Variants in IPO7 observed in about 807,000 individuals in gnomAD.
IPO7 encodes importin 7.
In IPO7, 13 loss-of-function variants were observed where a neutral mutation model predicts 136.4. The ratio of observed to expected loss-of-function variants is 0.10; its 90% CI spans 0.06 to 0.15. The LOEUF is 0.15. Ranked by LOEUF, IPO7 falls within the 10% of genes least tolerant of loss-of-function variation. The probability of loss-of-function intolerance (pLI) is 1.00; values close to 1 mark genes in which losing one functional copy is unlikely to be tolerated. For synonymous variants in IPO7, 403 were observed against 404.4 expected, an observed-to-expected ratio of 1.00 and a Z score of 0.04; for missense variants, 857 against 1,240.6, an observed-to-expected ratio of 0.69 and a Z score of 4.65.
At chr11:9,411,316 C>G (rs1854965460) in intron 4 of IPO7, among the ~76,000 whole-genome samples, 1 of 152,080 alleles carries the variant, frequency 6.6e-6, no homozygotes, top group South Asian at 2.1e-4. Flanking sequence ...TGAAGCAGTT[C>G]TAAGAAAATT....
chr11:9,433,923 CTTTTTT>C, intron 18 of IPO7, 77 bp downstream of exon 18: 11 of 1,042,064 alleles, frequency 1.1e-5, no homozygotes, highest in African/African-American at 1.8e-5. Flanking sequence ...TGAACATACA[CTTTTTT>C]TTTTTTTTTT....
intron 1 of IPO7, among the ~76,000 whole-genome samples, chr11:9,397,454 C>T (rs1398902668): frequency 6.8e-6 from 1 of 147,902 alleles, no homozygotes; most frequent in Non-Finnish European, 1.5e-5. Flanking sequence ...TGGTCTTGAT[C>T]TCGTGACCTC....
chr11:9,440,426 A>G (rs1196251490), intron 22 of IPO7, 29 bp from the exon 23 acceptor site: 2 of 1,544,846 alleles, frequency 1.3e-6, no homozygotes, highest in Non-Finnish European at 8.9e-7. Context: ...TGTCATTGTT[A>G]TAAAAGTACT....
chr11:9,438,061 T>G lies in IPO7; in HGVS notation c.2490-19T>G, dbSNP rs764406867. 3.0e-4 allele frequency: 231 copies of G among 761,976 alleles called. 1 individual carries two copies. The highest frequency in any genetic ancestry group is 1.1e-3 in the East Asian group (22 of 20,734). The allele number at this position is 761,976 out of a possible 1,614,324, so 47.2% of individuals were successfully genotyped here. On this transcript the variant is annotated intron_variant, in intron 21 of 24. Coordinates refer to ENST00000379719, the MANE Select transcript of IPO7 (RefSeq NM_006391.3). Reference sequence around the variant, plus strand: ...AAGAAAACAGTTTTTTTTTTTTTTTTTTTTTTTTTTTTTTTTAGGCTTCAT... The same window carrying G: ...AAGAAAACAGTTTTTTTTTTTTTTTGTTTTTTTTTTTTTTTTAGGCTTCAT...
chr11:9,401,317 A>G (rs1327909163), intron 1 of IPO7, among the ~76,000 whole-genome samples: 1 of 152,220 alleles, frequency 6.6e-6, no homozygotes, highest in Non-Finnish European at 1.5e-5. Context: ...AACAGAAAAT[A>G]TAGAAGAAGG....
intron 1 of IPO7, among the ~76,000 whole-genome samples, chr11:9,398,178 A>C (rs918965721): frequency 6.6e-6 from 1 of 152,194 alleles, no homozygotes; most frequent in Non-Finnish European, 1.5e-5. Flanking sequence ...CTTCCAAGGC[A>C]TTTATTTCTT....
chr11:9,401,044 G>T (rs1314917041), intron 1 of IPO7, among the ~76,000 whole-genome samples: 1 of 151,996 alleles, frequency 6.6e-6, no homozygotes, highest in African/African-American at 2.4e-5. Context: ...AGCTGGGCGT[G>T]GTGGCATGTG....
chr11:9,413,029 G>A (rs1854989910), intron 4 of IPO7, among the ~76,000 whole-genome samples: 1 of 150,952 alleles, frequency 6.6e-6, no homozygotes, highest in South Asian at 2.1e-4. Flanking sequence ...ATAGGCGCCC[G>A]CCACCACGCC....
intron 1 of IPO7, among the ~76,000 whole-genome samples, chr11:9,400,356 G>A (rs754878254): frequency 2.0e-5 from 3 of 151,908 alleles, no homozygotes; most frequent in African/African-American, 7.3e-5. Flanking sequence ...ATAGAGCCCG[G>A]TTGTCATATT....
At position 9,415,605 on chromosome 11, in the gene IPO7, G is replaced by C. The variant is rs182708414; in HGVS notation, c.636+1194G>C. Among the ~76,000 whole-genome samples, 8 of 152,258 alleles carry C rather than the reference G, an allele frequency of 5.3e-5. No individual in the cohort carries two copies. In the East Asian group the frequency reaches 1.5e-3, roughly 29 times the overall value. ...TGTAATCCCAGCACTTTGGGAGGCC[G>C]AGGCGGGCGGATCACGAGGTCAGGA... On this transcript the variant is annotated intron_variant, in intron 5 of 24. Coordinates refer to ENST00000379719, the MANE Select transcript of IPO7 (RefSeq NM_006391.3).
chr11:9,443,600 A>G (rs985807928), intron 24 of IPO7, among the ~76,000 whole-genome samples: 2 of 150,188 alleles, frequency 1.3e-5, no homozygotes, highest in African/African-American at 4.9e-5. Flanking sequence ...TCAAAAAAAA[A>G]AAAAAAAAAT....
intron 1 of IPO7, among the ~76,000 whole-genome samples, chr11:9,388,490 A>AT (rs2133715223): frequency 7.0e-6 from 1 of 143,062 alleles, no homozygotes; most frequent in South Asian, 2.2e-4. Flanking sequence ...ATTTATATTT[A>AT]TTTTTTGAGA....
chr11:9,440,813 T>C (rs1206188470), intron 23 of IPO7, 152 bp downstream of exon 23: 8 of 608,632 alleles, frequency 1.3e-5, no homozygotes, highest in Admixed American at 1.1e-4. Context: ...AAGGTTGCCA[T>C]AGTTTCTGAG....
intron 23 of IPO7, among the ~76,000 whole-genome samples, chr11:9,440,919 C>T (rs1185211621): frequency 6.6e-6 from 1 of 152,114 alleles, no homozygotes. Context: ...GTGACAGTGC[C>T]TCTTTGCTAC....
In IPO7 at chr11:9,440,679, A is replaced by G. The variant is rs775309564; in HGVS notation, c.2902+18A>G. On this transcript the variant is annotated intron_variant, in intron 23 of 24. Transcript: ENST00000379719. ...CTTTCAAAGTAAGTCAACTTGTTAC[A>G]TGTGGATCCATTTCATTGAACAAAT... The G allele has an allele frequency of 2.0e-6, 3 of 1,524,096 alleles. No individual in the cohort carries two copies. The highest frequency in any genetic ancestry group is 1.4e-5 in the African/African-American group (1 of 73,234). 94.4% of individuals were successfully genotyped at this position (1,524,096 alleles called of 1,614,324 possible).
At chr11:9,391,134 C>A (rs1055106276) in intron 1 of IPO7, among the ~76,000 whole-genome samples, 1 of 152,174 alleles carries the variant, frequency 6.6e-6, no homozygotes, top group African/African-American at 2.4e-5. Flanking sequence ...GATGCGGTGG[C>A]TCACGCCTGT....
At chr11:9,386,844 A>C (rs1590422015) in intron 1 of IPO7, among the ~76,000 whole-genome samples, 1 of 152,310 alleles carries the variant, frequency 6.6e-6, no homozygotes, top group South Asian at 2.1e-4. Flanking sequence ...TGTCAAAGAA[A>C]ATTTGTTACA....
chr11:9,393,407 A>C (rs1013880003), intron 1 of IPO7, among the ~76,000 whole-genome samples: 68 of 152,038 alleles, frequency 4.5e-4, no homozygotes, highest in African/African-American at 1.6e-3. Context: ...CTTGAGACGG[A>C]GTCTCACTGT....
intron 6 of IPO7, among the ~76,000 whole-genome samples, chr11:9,417,645 T>C (rs879730519): frequency 3.3e-5 from 5 of 151,978 alleles, no homozygotes; most frequent in Non-Finnish European, 7.4e-5. Flanking sequence ...AGTTGTCCAA[T>C]TGTGTTATTT....
Sources: allele counts gnomAD v4.1 joint callset (sites outside exome capture counted in the v4.1 genomes callset), GRCh38; gene constraint gnomAD v4.1.1; transcripts MANE v1.5; gene names NCBI Gene and HGNC (gene_info 2026-07-23, HGNC 2026-07-21).